Variants in RSPH9 observed in about 807,000 individuals in gnomAD.
RSPH9 encodes radial spoke head component 9.
In RSPH9, 27 loss-of-function variants were observed where a neutral mutation model predicts 27.0. The observed-to-expected ratio is 1.00, with a 90% CI of 0.74 to 1.38. The LOEUF (loss-of-function observed/expected upper bound fraction) is 1.38. Ranked by LOEUF, RSPH9 falls within the 40% of genes most tolerant of loss-of-function variation. The probability of loss-of-function intolerance (pLI) is 0.00; values close to 1 mark genes in which losing one functional copy is unlikely to be tolerated. For synonymous variants in RSPH9, 145 were observed against 147.7 expected (o/e 0.98, Z 0.13); for missense variants, 347 against 357.4 (o/e 0.97, Z 0.24).
chr6:43,670,841 C>T lies in RSPH9; in HGVS notation c.723C>T (p.Ser241=). The T allele has an allele frequency of 6.2e-7, 1 of 1,614,230 alleles. No homozygotes were observed. The highest frequency in any genetic ancestry group is 8.5e-7 in the Non-Finnish European group (1 of 1,180,050). ...ERGNALVVLR[S]LLWPGLTFYH... is the part of the protein sequence containing the mutation. ...GCAATGCCCTGGTGGTGCTGCGCAGCCTGCTCTGGCCGGGCCTCACCTTCT... is the reference window on the plus strand; with the variant it reads ...GCAATGCCCTGGTGGTGCTGCGCAGTCTGCTCTGGCCGGGCCTCACCTTCT... Residue 241 remains serine (S), a synonymous_variant, in exon 5 of 5, where the codon AGC becomes AGT. Transcript: ENST00000372163.
rs1189173944 is a variant in RSPH9, at chr6:43,656,636, G to A, written c.583G>A (p.Glu195Lys). The change falls in exon 4 of 5, where the codon GAG becomes AAG. Residue 195 changes from glutamate (E) to lysine (K), a missense_variant. By Grantham distance (56) the Glu-to-Lys change is moderately conservative. Transcript: ENST00000372163. ...SSYFHFREPV[E>K]LKNKTLLEKA... is the part of the protein sequence containing the mutation. Reference sequence around the variant, plus strand: ...CTACTTCCATTTCAGGGAGCCTGTTGAGCTAAAGAATAAGACCTTGCTTGA... The same window carrying A: ...CTACTTCCATTTCAGGGAGCCTGTTAAGCTAAAGAATAAGACCTTGCTTGA... 1.2e-6 allele frequency: 2 copies of A among 1,614,170 alleles called. No individual in the cohort carries two copies. Among genetic ancestry groups the A allele is most frequent in the Admixed American group, 3.3e-5 (2 of 60,016 alleles).
chr6:43,670,970 T>C lies in RSPH9; in HGVS notation c.*21T>C. 6.2e-7 allele frequency: 1 copy of C among 1,613,990 alleles called. No homozygotes were observed. Among genetic ancestry groups the C allele is most frequent in the Non-Finnish European group, 8.5e-7 (1 of 1,179,966 alleles). ...TATAGAATGGGAGCCAGCCTGGATG[T>C]TTTTAAACAGAGTCTAAACATGATT... On this transcript the variant is annotated 3_prime_UTR_variant, in exon 5 of 5. Transcript: ENST00000372163.
chr6:43,669,754 C>T (rs1020285417), intron 4 of RSPH9, among the ~76,000 whole-genome samples: 1 of 152,252 alleles, frequency 6.6e-6, no homozygotes. Context: ...CTCCTTCCTC[C>T]CACACTGTGG....
chr6:43,649,164 C>T (rs1159830354), intron 1 of RSPH9, among the ~76,000 whole-genome samples: 1 of 151,816 alleles, frequency 6.6e-6, no homozygotes, highest in African/African-American at 2.4e-5. Flanking sequence ...GTAGGCTGAG[C>T]AGTTTTTTTT....
chr6:43,664,832 C>T (rs1561944049), intron 4 of RSPH9, among the ~76,000 whole-genome samples: 1 of 152,212 alleles, frequency 6.6e-6, no homozygotes, highest in Non-Finnish European at 1.5e-5. Flanking sequence ...TCCATCTCTG[C>T]TCCCAGACTT....
At chr6:43,661,956 T>C (rs1772676113) in intron 4 of RSPH9, among the ~76,000 whole-genome samples, 1 of 152,166 alleles carries the variant, frequency 6.6e-6, no homozygotes, top group African/African-American at 2.4e-5. Flanking sequence ...AGCGTGATCA[T>C]GCTTCACTGT....
intron 4 of RSPH9, among the ~76,000 whole-genome samples, chr6:43,659,828 G>A (rs1772428695): frequency 1.3e-5 from 2 of 151,862 alleles, no homozygotes; most frequent in Non-Finnish European, 2.9e-5. Context: ...CGCCTCCCGG[G>A]TTCACGCCAT....
At chr6:43,660,407 T>G (rs1772490678) in intron 4 of RSPH9, among the ~76,000 whole-genome samples, 1 of 152,128 alleles carries the variant, frequency 6.6e-6, no homozygotes, top group Non-Finnish European at 1.5e-5. Flanking sequence ...CCCAAACTCC[T>G]GTTGATGTTG....
chr6:43,655,937 G>A (rs1771965434), intron 3 of RSPH9, among the ~76,000 whole-genome samples: 1 of 151,978 alleles, frequency 6.6e-6, no homozygotes, highest in South Asian at 2.1e-4. Flanking sequence ...TGGTCCCAGG[G>A]CTTTACATGG....
intron 4 of RSPH9, among the ~76,000 whole-genome samples, chr6:43,669,743 G>C (rs532912502): frequency 2.0e-5 from 3 of 152,344 alleles, no homozygotes; most frequent in East Asian, 3.9e-4. Context: ...ATTTTCCCAG[G>C]CTCCTTCCTC....
chr6:43,671,591 G>A lies in RSPH9; in HGVS notation c.*642G>A. ...CTCTAGCTCCCAGCATTGCTACTGTGCAGGCCAAGGGTACTGAAGTTAGTC... is the reference window on the plus strand; with the variant it reads ...CTCTAGCTCCCAGCATTGCTACTGTACAGGCCAAGGGTACTGAAGTTAGTC... On this transcript the variant is annotated 3_prime_UTR_variant, in exon 5 of 5. Coordinates refer to ENST00000372163, the MANE Select transcript of RSPH9 (RefSeq NM_152732.5). 1.4e-6 allele frequency: 1 copy of A among 729,080 alleles called. No homozygotes were observed. The highest frequency in any genetic ancestry group is 3.9e-4 in the Middle Eastern group (1 of 2,538). The allele number at this position is 729,080 out of a possible 1,614,324, so 45.2% of individuals were successfully genotyped here.
Position 43,646,125 on chromosome 6 carries a change from T to TTTA in RSPH9, c.227+821_227+823dup, listed in dbSNP as rs375295386. On this transcript the variant is annotated intron_variant, in intron 1 of 4. Transcript: ENST00000372163. ...ACGTGCCACCACACCTGGCTATTTA[T>TTTA]TTATTATTATTATTATTATTATTTT... is the stretch of plus-strand genomic sequence containing the variant. Among the ~76,000 whole-genome samples the TTTA allele has an allele frequency of 1.8e-3, 277 of 149,956 alleles. 1 individual carries two copies. The highest frequency in any genetic ancestry group is 6.9e-3 in the Middle Eastern group (2 of 288).
intron 1 of RSPH9, among the ~76,000 whole-genome samples, chr6:43,645,799 A>G (rs1770797682): frequency 6.6e-6 from 1 of 152,126 alleles, no homozygotes; most frequent in Non-Finnish European, 1.5e-5. Flanking sequence ...CAGTTTGGAG[A>G]AGAGTCAGAC....
At chr6:43,662,368 TTC>T (rs1772718774) in intron 4 of RSPH9, among the ~76,000 whole-genome samples, 1 of 149,956 alleles carries the variant, frequency 6.7e-6, no homozygotes, top group South Asian at 2.2e-4. Context: ...CTGTTTCACT[TTC>T]TTTTTTTTTT....
chr6:43,649,266 T>G (rs146238380), intron 1 of RSPH9, among the ~76,000 whole-genome samples: 4,639 of 150,566 alleles, frequency 0.031, 217 homozygotes, highest in African/African-American at 0.1. Flanking sequence ...CTCGGCTCAC[T>G]GCAACCTCTG....
At chr6:43,660,609 G>T (rs6902085) in intron 4 of RSPH9, among the ~76,000 whole-genome samples, 26,208 of 151,790 alleles carry the variant, frequency 0.17, 5,106 homozygotes, top group African/African-American at 0.49. Context: ...GACTACAGGC[G>T]CCCATCACCA....
chr6:43,671,590 T>G lies in RSPH9; in HGVS notation c.*641T>G. ...CCTCTAGCTCCCAGCATTGCTACTGTGCAGGCCAAGGGTACTGAAGTTAGT... is the reference window on the plus strand; with the variant it reads ...CCTCTAGCTCCCAGCATTGCTACTGGGCAGGCCAAGGGTACTGAAGTTAGT... On this transcript the variant is annotated 3_prime_UTR_variant, in exon 5 of 5. Coordinates refer to ENST00000372163, the MANE Select transcript of RSPH9 (RefSeq NM_152732.5). The G allele has an allele frequency of 1.4e-6, 1 of 725,076 alleles. No individual in the cohort carries two copies. The highest frequency in any genetic ancestry group is 2.3e-6 in the Non-Finnish European group (1 of 441,180). 44.9% of individuals were successfully genotyped at this position (725,076 alleles called of 1,614,324 possible). A position where few individuals can be genotyped will look rare whatever the true frequency, so the allele number is the denominator to read the frequency against.
chr6:43,647,182 G>A (rs143904835), intron 1 of RSPH9, among the ~76,000 whole-genome samples: 22 of 152,150 alleles, frequency 1.4e-4, no homozygotes, highest in African/African-American at 4.8e-4. Context: ...GGCCAGCAAC[G>A]GCCTATTTAT....
At chr6:43,653,842 G>A (rs1244816965) in intron 2 of RSPH9, among the ~76,000 whole-genome samples, 4 of 152,034 alleles carry the variant, frequency 2.6e-5, no homozygotes, top group Admixed American at 6.6e-5. Context: ...ACAGGCATGC[G>A]CCACCACACC....
Sources: allele counts gnomAD v4.1 joint callset (sites outside exome capture counted in the v4.1 genomes callset), GRCh38; gene constraint gnomAD v4.1.1; transcripts MANE v1.5; gene names NCBI Gene and HGNC (gene_info 2026-07-23, HGNC 2026-07-21).